The following TTC28 variants were observed in gnomAD, a reference collection of about 807,000 sequenced individuals.
TTC28 encodes the protein tetratricopeptide repeat domain 28.
Under a neutral mutation model 198.0 loss-of-function variants are expected in TTC28, and 61 were observed. That is an observed-to-expected ratio of 0.31 (90% CI 0.25 to 0.38). The LOEUF is 0.38. TTC28 is among the 10% of genes least tolerant of loss of function. TTC28 has a pLI of 1.00. For missense variants in TTC28, 2,678 were observed against 3,164.0 expected (o/e 0.85, Z 3.69); for synonymous variants, 1,171 against 1,297.8 (o/e 0.90, Z 2.10).
chr22:28,296,975 A>G (rs1000497548), intron 4 of TTC28, among the ~76,000 whole-genome samples: 2 of 152,210 alleles, frequency 1.3e-5, no homozygotes, highest in African/African-American at 4.8e-5. Context: ...CTCCTTCAAC[A>G]AAATGATAAC....
intron 12 of TTC28, among the ~76,000 whole-genome samples, chr22:28,081,390 T>C (rs1337078493): frequency 3.3e-5 from 5 of 152,036 alleles, no homozygotes; most frequent in Non-Finnish European, 7.4e-5. Flanking sequence ...TACCTCCAGC[T>C]TTTTTTGTTT....
At chr22:28,267,695 A>G (rs2080944636) in intron 5 of TTC28, among the ~76,000 whole-genome samples, 1 of 152,206 alleles carries the variant, frequency 6.6e-6, no homozygotes, top group African/African-American at 2.4e-5. Flanking sequence ...TATTAATCCT[A>G]TTATCCAATC....
chr22:28,343,941 T>C lies in TTC28; in HGVS notation c.382-37298A>G, dbSNP rs144853771. ...TTATTTCAACATCAAATATACGCTATTGTTTACATATTAATATAACCACAT... is the reference window on the plus strand; with the variant it reads ...TTATTTCAACATCAAATATACGCTACTGTTTACATATTAATATAACCACAT... On this transcript the variant is annotated intron_variant, in intron 2 of 22. Transcript: ENST00000397906. 2.0e-3 allele frequency among the ~76,000 whole-genome samples: 301 copies of C among 152,338 alleles called. 1 individual carries two copies. The highest frequency in any genetic ancestry group is 6.8e-3 in the Middle Eastern group (2 of 294).
intron 5 of TTC28, among the ~76,000 whole-genome samples, chr22:28,200,217 G>A (rs12160801): frequency 2.6e-3 from 401 of 152,148 alleles, no homozygotes; most frequent in African/African-American, 8.6e-3. Flanking sequence ...AGCCTCCTAA[G>A]TAGCTGGGAC....
intron 2 of TTC28, among the ~76,000 whole-genome samples, chr22:28,345,242 A>G (rs2045887258): frequency 6.6e-6 from 1 of 152,226 alleles, no homozygotes; most frequent in Non-Finnish European, 1.5e-5. Flanking sequence ...CCACAAAGGA[A>G]TATGTCATAC....
At chr22:28,109,540 A>T (rs1420594319) in intron 6 of TTC28, among the ~76,000 whole-genome samples, 1 of 152,250 alleles carries the variant, frequency 6.6e-6, no homozygotes, top group Non-Finnish European at 1.5e-5. Flanking sequence ...CAGTGCTCCA[A>T]ACAAACCTCA....
intron 5 of TTC28, among the ~76,000 whole-genome samples, chr22:28,191,518 G>A (rs1924751005): frequency 6.6e-6 from 1 of 152,244 alleles, no homozygotes; most frequent in Non-Finnish European, 1.5e-5. Context: ...AGCACAAGGG[G>A]TCAGGGAATT....
chr22:27,982,978 GTGA>G lies in TTC28; in HGVS notation c.6686_6688del (p.Val2229_Thr2230delinsAla). On this transcript the variant is annotated inframe_deletion, in exon 23 of 23. Transcript: ENST00000397906. This position sits in a 1 kb window ranked among gnomAD's most constrained non-coding sequence, Gnocchi z 5.2. ...CCTGGCTGGGGGCTTTGGTTTAACA[GTGA>G]CTGGTGATGGCTGACTCTTCTGATG... 1.9e-6 allele frequency: 3 copies of G among 1,551,746 alleles called. No homozygotes were observed. Among genetic ancestry groups the G allele is most frequent in the Non-Finnish European group, 2.6e-6 (3 of 1,147,008 alleles).
At chr22:28,059,065 T>G (rs1016038179) in intron 12 of TTC28, among the ~76,000 whole-genome samples, 2 of 152,034 alleles carry the variant, frequency 1.3e-5, no homozygotes, top group Non-Finnish European at 2.9e-5. Context: ...GCTTTATTAA[T>G]TTTTCAATAT....
intron 2 of TTC28, among the ~76,000 whole-genome samples, chr22:28,466,878 GA>G (rs1415281314): frequency 6.7e-6 from 1 of 149,378 alleles, no homozygotes; most frequent in Non-Finnish European, 1.5e-5. Flanking sequence ...TATCTGTTGT[GA>G]CCTTGCTAAG....
chr22:28,390,866 G>A (rs1346346098), intron 2 of TTC28, among the ~76,000 whole-genome samples: 2 of 152,184 alleles, frequency 1.3e-5, no homozygotes, highest in African/African-American at 2.4e-5. Context: ...ATTGTTATGT[G>A]TGAATTTGAT....
chr22:28,652,417 G>A (rs1297824117), intron 1 of TTC28, among the ~76,000 whole-genome samples: 1 of 152,076 alleles, frequency 6.6e-6, no homozygotes, highest in Admixed American at 6.6e-5. Flanking sequence ...CAGAAATAAT[G>A]GCTTGACAGC....
chr22:28,013,052 C>A (rs1353655730), intron 14 of TTC28, among the ~76,000 whole-genome samples: 1 of 151,858 alleles, frequency 6.6e-6, no homozygotes, highest in African/African-American at 2.4e-5. Context: ...GGTAGCGCAG[C>A]CTCCTGACAA....
intron 2 of TTC28, among the ~76,000 whole-genome samples, chr22:28,512,166 A>G (rs184406498): frequency 4.1e-4 from 63 of 152,286 alleles, no homozygotes; most frequent in African/African-American, 1.4e-3. Context: ...AAGAAGACAT[A>G]CATGAGGCCA....
At chr22:28,295,056 T>C (rs1030204499) in intron 5 of TTC28, among the ~76,000 whole-genome samples, 5 of 152,198 alleles carry the variant, frequency 3.3e-5, no homozygotes, top group African/African-American at 9.6e-5. Flanking sequence ...AAGAATTGTT[T>C]GTAATGTTAG....
rs559745272 is a variant in TTC28, at chr22:28,235,832, T to C, written c.933+60366A>G. ...GTAAAAACTGAAACCATGTAACTGTTCTATTGTTAACTTCGTTAAGTTGGA... is the reference window on the plus strand; with the variant it reads ...GTAAAAACTGAAACCATGTAACTGTCCTATTGTTAACTTCGTTAAGTTGGA... On this transcript the variant is annotated intron_variant, in intron 5 of 22. Coordinates refer to ENST00000397906, the MANE Select transcript of TTC28 (RefSeq NM_001145418.2). 2.6e-5 allele frequency among the ~76,000 whole-genome samples: 4 copies of C among 152,324 alleles called. No individual in the cohort carries two copies. The South Asian group carries it at 8.3e-4, about 32-fold the overall frequency.
In TTC28 at chr22:28,188,960, T is replaced by A. The variant is rs188875827; in HGVS notation, c.934-25361A>T. ...AGATTACTAGACATTTGAGGAAAACTCTAATTTGAAAGACAGTGATCAAAA... is the reference window on the plus strand; with the variant it reads ...AGATTACTAGACATTTGAGGAAAACACTAATTTGAAAGACAGTGATCAAAA... On this transcript the variant is annotated intron_variant, in intron 5 of 22. Coordinates refer to ENST00000397906, the MANE Select transcript of TTC28 (RefSeq NM_001145418.2). 3.9e-5 allele frequency among the ~76,000 whole-genome samples: 6 copies of A among 152,044 alleles called. No individual in the cohort carries two copies. In the East Asian group the frequency reaches 1.2e-3, roughly 29 times the overall value.
intron 5 of TTC28, among the ~76,000 whole-genome samples, chr22:28,177,948 C>G (rs1171933012): frequency 1.3e-5 from 2 of 151,998 alleles, no homozygotes; most frequent in Non-Finnish European, 2.9e-5. Flanking sequence ...TTGTCAAAAC[C>G]CACAGAACTG....
In TTC28 at chr22:28,528,025, C is replaced by T. The variant is rs533437010; in HGVS notation, c.381+101527G>A. On this transcript the variant is annotated intron_variant, in intron 2 of 22. Transcript: ENST00000397906. Reference sequence around the variant, plus strand: ...AAGCAAACAGCCCCATCATGGGAGGCCCCACCTTGATAACCTTATCTAATC... The same window carrying T: ...AAGCAAACAGCCCCATCATGGGAGGTCCCACCTTGATAACCTTATCTAATC... Among the ~76,000 whole-genome samples the T allele has an allele frequency of 9.2e-5, 14 of 152,250 alleles. No homozygotes were observed. In the South Asian group the frequency reaches 2.9e-3, roughly 32 times the overall value.
Sources: gnomAD v4.1 joint callset for allele counts (sites outside exome capture counted in the v4.1 genomes callset) on GRCh38, gnomAD v4.1.1 for gene constraint, Gnocchi (gnomAD v3.1) non-coding constraint, MANE v1.5 for transcripts, NCBI Gene and HGNC (gene_info 2026-07-23, HGNC 2026-07-21) for gene names.